The following PTK2B variants were observed in gnomAD, a reference collection of about 807,000 sequenced individuals.
PTK2B encodes protein tyrosine kinase 2 beta.
PTK2B carries 71 observed loss-of-function variants against 142.9 expected under a neutral mutation model. That is an observed-to-expected ratio of 0.50 (90% CI 0.41 to 0.61). The LOEUF is 0.61. Among genes scored for constraint, PTK2B ranks in the 20% least tolerant of loss-of-function variants. The pLI, the probability that PTK2B is intolerant of heterozygous loss-of-function variation, is 0.00. For synonymous variants in PTK2B, 519 were observed against 503.4 expected, an observed-to-expected ratio of 1.03 and a Z score of -0.42; for missense variants, 1,105 against 1,320.4, an observed-to-expected ratio of 0.84 and a Z score of 2.53.
intron 1 of PTK2B, among the ~76,000 whole-genome samples, chr8:27,351,980 G>T (rs750686892): frequency 1.3e-5 from 2 of 152,146 alleles, no homozygotes; most frequent in Non-Finnish European, 2.9e-5. Context: ...TTGTTCCCAT[G>T]GTCTCTTCAA....
intron 1 of PTK2B, among the ~76,000 whole-genome samples, chr8:27,341,148 A>G (rs1436035826): frequency 2.0e-5 from 3 of 151,828 alleles, no homozygotes; most frequent in East Asian, 1.9e-4. Context: ...CTCATGTTCT[A>G]CCTCCCCGGG....
chr8:27,361,115 C>G lies in PTK2B; in HGVS notation c.-38+35434C>G, dbSNP rs139152646. Among the ~76,000 whole-genome samples the G allele has an allele frequency of 4.9e-3, 747 of 152,310 alleles. 5 individuals carry two copies. The highest frequency in any genetic ancestry group is 0.01 in the Middle Eastern group (3 of 294). On this transcript the variant is annotated intron_variant, in intron 1 of 30. Coordinates refer to ENST00000346049, the MANE Select transcript of PTK2B (RefSeq NM_173176.3). ...TTAAATAATTTCCTATCCCTCACCC[C>G]CTTCCCACCCTCCTGAGTCTCCAAT...
In PTK2B at chr8:27,433,427, C is replaced by T; in HGVS notation, c.988-8C>T. 1 of 1,611,784 alleles carries T rather than the reference C, an allele frequency of 6.2e-7. No homozygotes were observed. Among genetic ancestry groups the T allele is most frequent in the Non-Finnish European group, 8.5e-7 (1 of 1,177,988 alleles). On this transcript the variant is annotated splice_polypyrimidine_tract_variant and splice_region_variant and intron_variant, in intron 10 of 30. Transcript: ENST00000346049. ...GGGTCTCACCCTTGGCTGGTCTCTG[C>T]TCCGCAGGCCTTGTCCATCAAAACC... is the stretch of plus-strand genomic sequence containing the variant.
intron 1 of PTK2B, among the ~76,000 whole-genome samples, chr8:27,340,424 G>A (rs1220900685): frequency 6.6e-6 from 1 of 152,222 alleles, no homozygotes; most frequent in East Asian, 1.9e-4. Context: ...AAGAAATGGG[G>A]CCTGTTTTGG....
At chr8:27,375,806 C>A (rs1806635489) in intron 1 of PTK2B, among the ~76,000 whole-genome samples, 1 of 152,216 alleles carries the variant, frequency 6.6e-6, no homozygotes, top group Non-Finnish European at 1.5e-5. Context: ...GTTTAGTATT[C>A]TGCCTGTACG....
chr8:27,339,016 C>A (rs1804237394), intron 1 of PTK2B, among the ~76,000 whole-genome samples: 1 of 152,142 alleles, frequency 6.6e-6, no homozygotes, highest in Non-Finnish European at 1.5e-5. Flanking sequence ...TTTATGGAAC[C>A]ATATATAAAA....
At chr8:27,397,973 A>T (rs1349530737) in intron 2 of PTK2B, among the ~76,000 whole-genome samples, 185 bp downstream of exon 2, 1 of 152,216 alleles carries the variant, frequency 6.6e-6, no homozygotes, top group Non-Finnish European at 1.5e-5. Context: ...TTCCCATACT[A>T]CTTCTCTAGG....
At chr8:27,451,801 C>T in intron 27 of PTK2B, 1 of 1,295,720 alleles carries the variant, frequency 7.7e-7, no homozygotes, top group Non-Finnish European at 9.8e-7. Flanking sequence ...GAAATTCTCT[C>T]TTCCTCATTT....
chr8:27,318,024 C>T (rs963003743), intron 3 of PTK2B, among the ~76,000 whole-genome samples: 3 of 151,962 alleles, frequency 2.0e-5, no homozygotes, highest in Non-Finnish European at 4.4e-5. Flanking sequence ...GCATGCAGAA[C>T]GTAATATAAA....
chr8:27,424,693 C>T (rs1259776388), intron 5 of PTK2B, among the ~76,000 whole-genome samples: 1 of 152,112 alleles, frequency 6.6e-6, no homozygotes, highest in Non-Finnish European at 1.5e-5. Context: ...ATTTCTCACC[C>T]AAAGAGAATT....
In PTK2B at chr8:27,458,517, T is replaced by G. The variant is rs769549575; in HGVS notation, c.*8T>G. 3.9e-6 allele frequency: 6 copies of G among 1,556,882 alleles called. No individual in the cohort carries two copies. The highest frequency in any genetic ancestry group is 4.3e-6 in the Non-Finnish European group (5 of 1,151,602). ...CACCCACCTGCAGAGTGACGGAGGG[T>G]GGGGGCCACCTGCCTGCGTCTTCCG... On this transcript the variant is annotated 3_prime_UTR_variant, in exon 31 of 31. Transcript: ENST00000346049.
At chr8:27,360,907 C>T (rs914649165) in intron 1 of PTK2B, among the ~76,000 whole-genome samples, 13 of 152,090 alleles carry the variant, frequency 8.5e-5, no homozygotes, top group Non-Finnish European at 1.8e-4. Context: ...GTCGGTCTTT[C>T]GAAATGGTCA....
At chr8:27,349,381 G>T (rs941264571) in intron 1 of PTK2B, among the ~76,000 whole-genome samples, 3 of 152,172 alleles carry the variant, frequency 2.0e-5, no homozygotes, top group Non-Finnish European at 4.4e-5. Context: ...ATAGAACCCC[G>T]TAATAAACCA....
intron 1 of PTK2B, among the ~76,000 whole-genome samples, chr8:27,332,691 C>G (rs1461455067): frequency 1.3e-5 from 2 of 152,194 alleles, no homozygotes; most frequent in African/African-American, 4.8e-5. Context: ...AAGCAATCCT[C>G]CGGCCTCAGC....
upstream of PTK2B, among the ~76,000 whole-genome samples, chr8:27,321,726 T>C (rs989710260): frequency 2.0e-5 from 3 of 152,178 alleles, no homozygotes; most frequent in African/African-American, 7.2e-5. Context: ...TGGTCACACA[T>C]GCAAGGGAGA....
At chr8:27,330,596 ACT>A (rs1470625324) in intron 1 of PTK2B, among the ~76,000 whole-genome samples, 1 of 152,006 alleles carries the variant, frequency 6.6e-6, no homozygotes, top group African/African-American at 2.4e-5. Flanking sequence ...GGGCCTCCTA[ACT>A]CTGTGTACAA....
At chr8:27,453,591 C>A (rs984808426) in intron 28 of PTK2B, among the ~76,000 whole-genome samples, 3 of 152,212 alleles carry the variant, frequency 2.0e-5, no homozygotes, top group Non-Finnish European at 2.9e-5. Flanking sequence ...TTGAAACTCT[C>A]TGCATAGGCC....
chr8:27,451,532 G>A (rs376768935), intron 27 of PTK2B, 23 bp downstream of exon 27: 67 of 1,613,756 alleles, frequency 4.2e-5, no homozygotes, highest in African/African-American at 6.7e-5. Context: ...GCCCTTCTTC[G>A]GGGGGTTTCC....
At chr8:27,419,810 A>C in intron 2 of PTK2B, 85 bp from the exon 3 acceptor site, 1 of 1,438,910 alleles carries the variant, frequency 6.9e-7, no homozygotes, top group Non-Finnish European at 9.6e-7. Flanking sequence ...CACCCTAGAG[A>C]ATCCCACTTT....
Sources: gnomAD v4.1 joint callset for allele counts (sites outside exome capture counted in the v4.1 genomes callset) on GRCh38, gnomAD v4.1.1 for gene constraint, MANE v1.5 for transcripts, NCBI Gene and HGNC (gene_info 2026-07-23, HGNC 2026-07-21) for gene names.